The following IMPG1 variants were observed in gnomAD, a reference collection of about 807,000 sequenced individuals.
IMPG1 encodes interphotoreceptor matrix proteoglycan 1.
IMPG1 carries 85 observed loss-of-function variants against 92.0 expected under a neutral mutation model. The ratio of observed to expected loss-of-function variants is 0.92; its 90% CI spans 0.78 to 1.11. IMPG1 has a LOEUF of 1.11. Among genes scored for constraint, IMPG1 ranks in the 50% least tolerant of loss-of-function variants. The pLI is 0.00. For missense variants in IMPG1, 1,022 were observed against 956.0 expected (o/e 1.07, Z -0.91); for synonymous variants, 367 against 334.1 (o/e 1.10, Z -1.08).
chr6:76,066,794 G>A (rs949991095), intron 1 of IMPG1, among the ~76,000 whole-genome samples: 1 of 152,050 alleles, frequency 6.6e-6, no homozygotes, highest in Admixed American at 6.5e-5. Context: ...AAAACCGTAT[G>A]TCAGACCACA....
chr6:76,021,003 C>T (rs1021694939), intron 6 of IMPG1, among the ~76,000 whole-genome samples: 2 of 152,158 alleles, frequency 1.3e-5, no homozygotes, highest in Non-Finnish European at 2.9e-5. Context: ...ATAGCTAGAT[C>T]ATTTTCTTTC....
intron 14 of IMPG1, among the ~76,000 whole-genome samples, chr6:75,933,200 A>G (rs1398648828): frequency 6.6e-6 from 1 of 152,234 alleles, no homozygotes; most frequent in African/African-American, 2.4e-5. Flanking sequence ...TTCAGGAGAA[A>G]AAAGTAGATG....
At position 75,951,088 on chromosome 6, in the gene IMPG1, G is replaced by T. The variant is rs1401400446; in HGVS notation, c.1298C>A (p.Ser433Tyr). Residue 433 changes from serine to tyrosine, a missense_variant, in exon 13 of 17, where the codon TCT becomes TAT. Transcript: ENST00000369950. The part of the protein sequence containing the change: ...DGAEHGLPDT[S>Y]WSPPAMASTS... ...AGAGGCCATAGCAGGTGGAGACCAAGAAGTGTCTGTGGAGGAAGTACAATT... is the reference window on the plus strand; with the variant it reads ...AGAGGCCATAGCAGGTGGAGACCAATAAGTGTCTGTGGAGGAAGTACAATT... 3 of 1,603,484 alleles carry T rather than the reference G, an allele frequency of 1.9e-6. No individual in the cohort carries two copies. Among genetic ancestry groups the T allele is most frequent in the Non-Finnish European group, 2.6e-6 (3 of 1,174,448 alleles).
intron 12 of IMPG1, among the ~76,000 whole-genome samples, chr6:75,957,972 C>G (rs998004591): frequency 6.6e-6 from 1 of 152,142 alleles, no homozygotes; most frequent in African/African-American, 2.4e-5. Context: ...TTATTTTGCC[C>G]GTTTGTTGAT....
At position 76,005,529 on chromosome 6, in the gene IMPG1, C is replaced by A. The variant is rs1341643085; in HGVS notation, c.893G>T (p.Ser298Ile). Residue 298 changes from serine (S) to isoleucine (I), a missense_variant, in exon 10 of 17, where the codon AGC (serine) becomes ATC (isoleucine). Physicochemically the swap from Ser to Ile is moderately radical, Grantham distance 142. Coordinates refer to ENST00000369950, the MANE Select transcript of IMPG1 (RefSeq NM_001563.4). ...FRPKKEKDGS[S>I]STEMQLTAIF... ...GGCCGTAAGTTGCATCTCTGTGGAG[C>A]TTGAGCTGTAGATAGCAGAGGACAC... 1.9e-6 allele frequency: 3 copies of A among 1,613,736 alleles called. No homozygotes were observed. The highest frequency in any genetic ancestry group is 1.7e-4 in the Middle Eastern group (1 of 6,044).
chr6:76,018,765 A>G lies in IMPG1; in HGVS notation c.760T>C (p.Ser254Pro), dbSNP rs1390828446. Residue 254 changes from serine (S) to proline (P), a missense_variant, in exon 7 of 17, where the codon TCC becomes CCC. By Grantham distance (74) the Ser-to-Pro change is moderately conservative (BLOSUM62 -1). Transcript: ENST00000369950. Reference sequence around the variant, plus strand: ...AGCTCCTGGTAATATGGGGACTGGGAGTCAGCGAGCTCTGCCTTGAACTTC... The same window carrying G: ...AGCTCCTGGTAATATGGGGACTGGGGGTCAGCGAGCTCTGCCTTGAACTTC... ...NQKFKAELAD[S>P]QSPYYQELAG... is the part of the protein sequence containing the mutation. 1 of 1,613,432 alleles carries G rather than the reference A, an allele frequency of 6.2e-7. No individual in the cohort carries two copies. The highest frequency in any genetic ancestry group is 8.5e-7 in the Non-Finnish European group (1 of 1,179,738).
chr6:75,924,508 T>A (rs192392702), intron 15 of IMPG1, among the ~76,000 whole-genome samples: 2 of 74,238 alleles, frequency 2.7e-5, no homozygotes, highest in African/African-American at 5.3e-5. Context: ...TTATATAATA[T>A]AATTAATATA....
chr6:76,048,625 T>A (rs1340463637), intron 1 of IMPG1, among the ~76,000 whole-genome samples: 1 of 152,200 alleles, frequency 6.6e-6, no homozygotes, highest in East Asian at 1.9e-4. Context: ...TCATTTTCCC[T>A]TTTGCTATTG....
chr6:75,942,536 T>C (rs1239094019), intron 14 of IMPG1, among the ~76,000 whole-genome samples: 1 of 152,178 alleles, frequency 6.6e-6, no homozygotes, highest in African/African-American at 2.4e-5. Flanking sequence ...AAATTGGAAT[T>C]TGAGTCCTTC....
intron 8 of IMPG1, among the ~76,000 whole-genome samples, chr6:76,007,740 G>A (rs1783122085): frequency 6.6e-6 from 1 of 152,096 alleles, no homozygotes; most frequent in South Asian, 2.1e-4. Context: ...ATTAGGATTT[G>A]AGCCTTAGTT....
chr6:76,008,517 C>T (rs1279275467), intron 8 of IMPG1, among the ~76,000 whole-genome samples: 1 of 152,134 alleles, frequency 6.6e-6, no homozygotes, highest in African/African-American at 2.4e-5. Context: ...TACAGGCATG[C>T]CACAACCCTC....
Position 75,960,861 on chromosome 6 carries a change from G to A in IMPG1, c.1292-9767C>T, listed in dbSNP as rs148069766. ...TAAAATAACTGTTATGCTAGAGTGC[G>A]TGTGTGGGTCTGTGAGGGTATGGAG... On this transcript the variant is annotated intron_variant, in intron 12 of 16. Coordinates refer to ENST00000369950, the MANE Select transcript of IMPG1 (RefSeq NM_001563.4). Among the ~76,000 whole-genome samples the A allele has an allele frequency of 1.3e-3, 192 of 152,320 alleles. 1 individual carries two copies. Among genetic ancestry groups the A allele is most frequent in the African/African-American group, 3.3e-3 (138 of 41,576 alleles).
At chr6:76,059,581 A>G (rs919592386) in intron 1 of IMPG1, among the ~76,000 whole-genome samples, 15 of 152,092 alleles carry the variant, frequency 9.9e-5, no homozygotes, top group Non-Finnish European at 1.9e-4. Flanking sequence ...AGTTAATAGT[A>G]AAAACCACAC....
At chr6:76,024,910 G>A (rs539854015) in intron 5 of IMPG1, 80 of 492,044 alleles carry the variant, frequency 1.6e-4, no homozygotes, top group Admixed American at 4.2e-4. Context: ...AGTAATATGT[G>A]TATATAATAG....
chr6:75,965,798 A>G lies in IMPG1; in HGVS notation c.1292-14704T>C, dbSNP rs190863879. Among the ~76,000 whole-genome samples, 571 of 151,922 alleles carry G rather than the reference A, an allele frequency of 3.8e-3. 3 individuals are homozygous for G. Among genetic ancestry groups the G allele is most frequent in the Non-Finnish European group, 5.9e-3 (403 of 67,912 alleles). ...AATTTTTTGTATTTTTAGTAGAGAC[A>G]GGGTTTCACCGTGTTAGCCAGGATG... On this transcript the variant is annotated intron_variant, in intron 12 of 16. Coordinates refer to ENST00000369950, the MANE Select transcript of IMPG1 (RefSeq NM_001563.4).
chr6:75,975,785 C>G (rs1257161496), intron 12 of IMPG1, among the ~76,000 whole-genome samples: 1 of 152,140 alleles, frequency 6.6e-6, no homozygotes, highest in African/African-American at 2.4e-5. Context: ...CTGTATAGAC[C>G]ATGTGCTCTC....
Position 76,045,333 on chromosome 6 carries a change from C to T in IMPG1, c.68-3207G>A, listed in dbSNP as rs144798151. 4.6e-5 allele frequency among the ~76,000 whole-genome samples: 7 copies of T among 152,042 alleles called. No homozygotes were observed. In the East Asian group the frequency reaches 9.7e-4, roughly 21 times the overall value. ...CTTTCTGATAACTTTCACATCAGTC[C>T]TATTTCTGTCGTCTGGTGCAGCGAA... is the stretch of plus-strand genomic sequence containing the variant. On this transcript the variant is annotated intron_variant, in intron 1 of 16. Coordinates refer to ENST00000369950, the MANE Select transcript of IMPG1 (RefSeq NM_001563.4).
At chr6:76,050,919 T>C (rs910035560) in intron 1 of IMPG1, among the ~76,000 whole-genome samples, 5 of 152,180 alleles carry the variant, frequency 3.3e-5, no homozygotes, top group African/African-American at 1.2e-4. Context: ...CAACAGCCAT[T>C]GGTATAAGCA....
chr6:76,015,279 G>T (rs1217702265), intron 7 of IMPG1, among the ~76,000 whole-genome samples: 1 of 152,190 alleles, frequency 6.6e-6, no homozygotes, highest in Non-Finnish European at 1.5e-5. Context: ...GCAGGCATTG[G>T]GCTGTGGTGG....
Sources: gnomAD v4.1 joint callset for allele counts (sites outside exome capture counted in the v4.1 genomes callset) on GRCh38, gnomAD v4.1.1 for gene constraint, MANE v1.5 for transcripts, NCBI Gene and HGNC (gene_info 2026-07-23, HGNC 2026-07-21) for gene names.